SHISA9: variants seen among roughly 807,000 people sequenced by gnomAD.
SHISA9 encodes the protein shisa family member 9.
SHISA9 carries 13 observed loss-of-function variants against 38.0 expected under a neutral mutation model. The observed-to-expected ratio is 0.34, with a 90% confidence interval of 0.22 to 0.54. The LOEUF (loss-of-function observed/expected upper bound fraction) is 0.54, where lower values mean the gene tolerates loss of function less well. Among genes scored for constraint, SHISA9 ranks in the 20% least tolerant of loss-of-function variants. The pLI is 0.91. For synonymous variants in SHISA9, 275 were observed against 242.0 expected, an observed-to-expected ratio of 1.14 and a Z score of -1.27; for missense variants, 538 against 575.8, an observed-to-expected ratio of 0.93 and a Z score of 0.67.
intron 2 of SHISA9, among the ~76,000 whole-genome samples, chr16:12,970,366 T>TATAC (rs1320639697): frequency 2.1e-5 from 2 of 96,108 alleles, no homozygotes; most frequent in Non-Finnish European, 3.8e-5. Flanking sequence ...TATATATATA[T>TATAC]ATACATATAT....
chr16:12,970,408 TATATATATAC>T (rs2072052812), intron 2 of SHISA9, among the ~76,000 whole-genome samples: 1 of 5,002 alleles, frequency 2.0e-4, no homozygotes, highest in Non-Finnish European at 6.0e-4. Flanking sequence ...TATATACATA[TATATATATAC>T]ACATATATGT....
At chr16:13,223,878 T>C (rs1456651909) in intron 4 of SHISA9, among the ~76,000 whole-genome samples, 2 of 152,184 alleles carry the variant, frequency 1.3e-5, no homozygotes, top group Non-Finnish European at 2.9e-5. Flanking sequence ...AATGCCTACA[T>C]TGCAATATTC....
the SHISA9 span, among the ~76,000 whole-genome samples, chr16:13,302,598 T>C: frequency 1.3e-5 from 2 of 152,232 alleles, no homozygotes; most frequent in Non-Finnish European, 2.9e-5. Flanking sequence ...GTGCCACTCC[T>C]GCTTCCTTCT....
At chr16:12,933,432 C>T (rs1221740105) in intron 2 of SHISA9, among the ~76,000 whole-genome samples, 1 of 152,030 alleles carries the variant, frequency 6.6e-6, no homozygotes, top group Non-Finnish European at 1.5e-5. Context: ...GTAGCTAGAA[C>T]TGCAGGTGCA....
intron 3 of SHISA9, among the ~76,000 whole-genome samples, chr16:13,210,446 T>A (rs998369866): frequency 2.0e-5 from 3 of 151,872 alleles, no homozygotes; most frequent in Non-Finnish European, 4.4e-5. Context: ...ATTTTAATTT[T>A]ATTAAAAAAA....
the SHISA9 span, among the ~76,000 whole-genome samples, chr16:13,543,884 A>G: frequency 6.6e-6 from 1 of 152,200 alleles, no homozygotes; most frequent in Non-Finnish European, 1.5e-5. Flanking sequence ...ATGAAACATT[A>G]TTCAAATATC....
At chr16:13,288,692 G>A in the SHISA9 span, among the ~76,000 whole-genome samples, 22,994 of 152,122 alleles carry the variant, frequency 0.15, 1,999 homozygotes, top group Non-Finnish European at 0.19. Flanking sequence ...TGCCTGGGAG[G>A]GTGAGGCAGA....
At chr16:13,327,729 T>G in the SHISA9 span, among the ~76,000 whole-genome samples, 1 of 152,022 alleles carries the variant, frequency 6.6e-6, no homozygotes, top group Non-Finnish European at 1.5e-5. Context: ...CGATCTCTAC[T>G]CACTGAAACC....
At chr16:13,402,182 A>G in the SHISA9 span, among the ~76,000 whole-genome samples, 1 of 152,198 alleles carries the variant, frequency 6.6e-6, no homozygotes, top group Admixed American at 6.5e-5. Flanking sequence ...TCACGTGATT[A>G]TGGAGTTTGA....
chr16:13,030,036 C>A (rs1215737575), intron 2 of SHISA9, among the ~76,000 whole-genome samples: 2 of 152,196 alleles, frequency 1.3e-5, no homozygotes, highest in African/African-American at 4.8e-5. Context: ...TCATTCATAT[C>A]CAGTGTTTAG....
At chr16:13,425,883 C>T in the SHISA9 span, among the ~76,000 whole-genome samples, 13 of 152,102 alleles carry the variant, frequency 8.5e-5, no homozygotes, top group Non-Finnish European at 1.9e-4. Flanking sequence ...AACTCTGATA[C>T]TGTAGTTGTT....
chr16:12,977,571 G>C lies in SHISA9; in HGVS notation c.691+60756G>C, dbSNP rs576340439. 1.4e-4 allele frequency among the ~76,000 whole-genome samples: 22 copies of C among 152,254 alleles called. 1 individual carries two copies. Among genetic ancestry groups the C allele is most frequent in the African/African-American group, 4.8e-4 (20 of 41,542 alleles). Reference sequence around the variant, plus strand: ...GCAAAGACATGGAATCAACCCAAATGCCCATCCGTGATAGACTGGATAAAG... The same window carrying C: ...GCAAAGACATGGAATCAACCCAAATCCCCATCCGTGATAGACTGGATAAAG... On this transcript the variant is annotated intron_variant, in intron 2 of 4. Coordinates refer to ENST00000558583, the MANE Select transcript of SHISA9 (RefSeq NM_001145204.3).
At chr16:13,561,474 G>T in the SHISA9 span, among the ~76,000 whole-genome samples, 1 of 152,184 alleles carries the variant, frequency 6.6e-6, no homozygotes, top group Non-Finnish European at 1.5e-5. Context: ...AACAAGCCGT[G>T]GGCAGGAACC....
In SHISA9 at chr16:12,929,777, C is replaced by T. The variant is rs146229578; in HGVS notation, c.691+12962C>T. ...AAAAAAGCCCTGCACATCCTGCACA[C>T]GTAGCCCTGCACTTAAAATAAAAGT... On this transcript the variant is annotated intron_variant, in intron 2 of 4. Coordinates refer to ENST00000558583, the MANE Select transcript of SHISA9 (RefSeq NM_001145204.3). 5.9e-5 allele frequency among the ~76,000 whole-genome samples: 9 copies of T among 151,944 alleles called. No homozygotes were observed. The East Asian group carries it at 9.7e-4, about 16-fold the overall frequency.
chr16:13,408,257 CAAAATT>C, the SHISA9 span, among the ~76,000 whole-genome samples: 4 of 151,528 alleles, frequency 2.6e-5, no homozygotes, highest in Non-Finnish European at 5.9e-5. Flanking sequence ...TAAAAGAACA[CAAAATT>C]AAAATATAAA....
At chr16:13,479,402 A>G in the SHISA9 span, among the ~76,000 whole-genome samples, 2 of 152,092 alleles carry the variant, frequency 1.3e-5, no homozygotes, top group Non-Finnish European at 2.9e-5. Context: ...TACTGCCTTG[A>G]TTTTGCTGAG....
chr16:13,123,995 T>G (rs1304520908), intron 2 of SHISA9, among the ~76,000 whole-genome samples: 1 of 152,222 alleles, frequency 6.6e-6, no homozygotes, highest in Non-Finnish European at 1.5e-5. Flanking sequence ...CCCTTTTCCA[T>G]GCACCGCATC....
At chr16:13,250,844 A>G in the SHISA9 span, among the ~76,000 whole-genome samples, 23 of 152,226 alleles carry the variant, frequency 1.5e-4, no homozygotes, top group East Asian at 4.3e-3. Context: ...AATGGCTTGT[A>G]TAATGTGGTA....
At chr16:12,975,656 C>CG (rs139081896) in intron 2 of SHISA9, among the ~76,000 whole-genome samples, 20,083 of 109,188 alleles carry the variant, frequency 0.18, 1,709 homozygotes, top group Admixed American at 0.23. Flanking sequence ...GGGACGGGGG[C>CG]GGGGGGGGTA....
Sources: allele counts gnomAD v4.1 joint callset (sites outside exome capture counted in the v4.1 genomes callset), GRCh38; gene constraint gnomAD v4.1.1; transcripts MANE v1.5; gene names NCBI Gene and HGNC (gene_info 2026-07-23, HGNC 2026-07-21).